Variants in QRFPR observed in about 807,000 individuals in gnomAD.
QRFPR encodes the protein pyroglutamylated RFamide peptide receptor, also known as pyroglutamylated RF-amide peptide receptor.
QRFPR carries 37 observed loss-of-function variants against 31.3 expected under a neutral mutation model. The ratio of observed to expected loss-of-function variants is 1.18; its 90% confidence interval spans 0.91 to 1.56. The LOEUF is 1.56. Among genes scored for constraint, QRFPR ranks in the 40% most tolerant of loss-of-function variants. The pLI is 0.00. For missense variants in QRFPR, 542 were observed against 532.5 expected, an observed-to-expected ratio of 1.02 and a Z score of -0.18; for synonymous variants, 197 against 192.0, an observed-to-expected ratio of 1.03 and a Z score of -0.22.
At chr4:121,365,494 A>ATATAATATATATTATATATTATATATAT (rs1726075800) in intron 1 of QRFPR, among the ~76,000 whole-genome samples, 1 of 2,486 alleles carries the variant, frequency 4.0e-4, no homozygotes, top group Non-Finnish European at 6.2e-4. Flanking sequence ...ATTAAATTAT[A>ATATAATATATATTATATATTATATATAT]TATATAATAT....
chr4:121,345,456 C>T (rs1725625815), intron 1 of QRFPR, among the ~76,000 whole-genome samples: 1 of 152,162 alleles, frequency 6.6e-6, no homozygotes, highest in African/African-American at 2.4e-5. Flanking sequence ...ATTTGATATA[C>T]TTCTCTTTTG....
At position 121,363,170 on chromosome 4, in the gene QRFPR, C is replaced by T. The variant is rs1726023742; in HGVS notation, c.340+17138G>A. ...TGAAACCCCGTCTCTACTAAAGATA[C>T]AAAAAATTAGTTGGGCGTGGTGGCG... is the stretch of plus-strand genomic sequence containing the variant. On this transcript the variant is annotated intron_variant, in intron 1 of 5. Transcript: ENST00000394427. Among the ~76,000 whole-genome samples the T allele has an allele frequency of 2.0e-5, 3 of 149,684 alleles. 1 individual carries two copies. The highest frequency in any genetic ancestry group is 6.6e-5 in the Admixed American group (1 of 15,066).
At chr4:121,346,238 C>T (rs1242525011) in intron 1 of QRFPR, among the ~76,000 whole-genome samples, 1 of 152,166 alleles carries the variant, frequency 6.6e-6, no homozygotes, top group South Asian at 2.1e-4. Context: ...CATATTCAAA[C>T]AGTCTATGCG....
At chr4:121,375,502 T>G (rs1369358795) in intron 1 of QRFPR, among the ~76,000 whole-genome samples, 1 of 152,244 alleles carries the variant, frequency 6.6e-6, no homozygotes, top group Non-Finnish European at 1.5e-5. Context: ...TGACTCATAG[T>G]GCCATTAATA....
At chr4:121,370,117 G>A (rs920152606) in intron 1 of QRFPR, 1 of 768,006 alleles carries the variant, frequency 1.3e-6, no homozygotes, top group Non-Finnish European at 2.4e-6. Context: ...GGGGAGGGTA[G>A]ACTGGCCTCT....
Position 121,334,158 on chromosome 4 carries a change from C to T in QRFPR, c.562-1102G>A, listed in dbSNP as rs573351909. 3.3e-5 allele frequency among the ~76,000 whole-genome samples: 5 copies of T among 152,276 alleles called. No individual in the cohort carries two copies. The South Asian group carries it at 1.0e-3, about 32-fold the overall frequency. ...CCAATGACCAGGGGGTATGGACTGA[C>T]ACATCTAAGAGCATGCTGAACTGGA... On this transcript the variant is annotated intron_variant, in intron 3 of 5. Transcript: ENST00000394427.
At chr4:121,338,118 A>C (rs1173318231) in intron 2 of QRFPR, among the ~76,000 whole-genome samples, 1 of 152,206 alleles carries the variant, frequency 6.6e-6, no homozygotes, top group Admixed American at 6.5e-5. Context: ...TGGCAGCTGT[A>C]GGACTCACAA....
At position 121,370,722 on chromosome 4, in the gene QRFPR, A is replaced by G. The variant is rs1215416712; in HGVS notation, c.340+9586T>C. ...CAGGAAATTTTTTTAAAACGTTAACATATTTTCATACATGTATTAAAGGGG... is the reference window on the plus strand; with the variant it reads ...CAGGAAATTTTTTTAAAACGTTAACGTATTTTCATACATGTATTAAAGGGG... On this transcript the variant is annotated intron_variant, in intron 1 of 5. Coordinates refer to ENST00000394427, the MANE Select transcript of QRFPR (RefSeq NM_198179.3). Among the ~76,000 whole-genome samples, 4 of 152,248 alleles carry G rather than the reference A, an allele frequency of 2.6e-5. No homozygotes were observed. The South Asian group carries it at 6.2e-4, about 24-fold the overall frequency.
At chr4:121,356,600 T>G (rs1210086490) in intron 1 of QRFPR, among the ~76,000 whole-genome samples, 1 of 152,210 alleles carries the variant, frequency 6.6e-6, no homozygotes, top group East Asian at 1.9e-4. Flanking sequence ...GATCTAAGCC[T>G]GTGGTCACTG....
rs1303361552 is a variant in QRFPR, at chr4:121,380,710, G to A, written c.-63C>T. 3 of 1,415,490 alleles carry A rather than the reference G, an allele frequency of 2.1e-6. No individual in the cohort carries two copies. The highest frequency in any genetic ancestry group is 1.9e-6 in the Non-Finnish European group (2 of 1,064,402). 87.7% of individuals were successfully genotyped at this position (1,415,490 alleles called of 1,614,324 possible). On this transcript the variant is annotated 5_prime_UTR_variant, in exon 1 of 6. Coordinates refer to ENST00000394427, the MANE Select transcript of QRFPR (RefSeq NM_198179.3). ...ACTGGCTGGCCATCCGCATCTGCGGGGCAGCGAGGGCTTCGGGGGACCAGC... is the reference window on the plus strand; with the variant it reads ...ACTGGCTGGCCATCCGCATCTGCGGAGCAGCGAGGGCTTCGGGGGACCAGC...
At position 121,336,767 on chromosome 4, in the gene QRFPR, T is replaced by C. The variant is rs769734276; in HGVS notation, c.561+40A>G. The C allele has an allele frequency of 9.5e-6, 14 of 1,475,050 alleles. No homozygotes were observed. The Admixed American group carries it at 1.7e-4, about 18-fold the overall frequency. 91.4% of individuals were successfully genotyped at this position (1,475,050 alleles called of 1,614,324 possible). A position where few individuals can be genotyped will look rare whatever the true frequency, so the allele number is the denominator to read the frequency against. On this transcript the variant is annotated intron_variant, in intron 3 of 5. Transcript: ENST00000394427. ...ATTACAATTAAGAGGGGTGAGAAAATAGTTCAACAATATGATTATACATCT... is the reference window on the plus strand; with the variant it reads ...ATTACAATTAAGAGGGGTGAGAAAACAGTTCAACAATATGATTATACATCT...
chr4:121,367,345 C>T (rs1346686818), intron 1 of QRFPR, among the ~76,000 whole-genome samples: 2 of 150,058 alleles, frequency 1.3e-5, no homozygotes, highest in African/African-American at 4.9e-5. Flanking sequence ...TTATCCTCCT[C>T]TAGAGATGTA....
chr4:121,366,894 G>C (rs540969669), intron 1 of QRFPR, among the ~76,000 whole-genome samples: 1 of 132,484 alleles, frequency 7.5e-6, no homozygotes, highest in Non-Finnish European at 1.7e-5. Flanking sequence ...CTTCTCTGCA[G>C]TGCATAGCAA....
At chr4:121,351,355 A>T (rs1725757219) in intron 1 of QRFPR, among the ~76,000 whole-genome samples, 2 of 152,208 alleles carry the variant, frequency 1.3e-5, no homozygotes. Context: ...ACTTTGTAAG[A>T]ACTGTTTGTG....
intron 1 of QRFPR, among the ~76,000 whole-genome samples, chr4:121,362,626 T>C (rs1726015006): frequency 6.7e-6 from 1 of 150,130 alleles, no homozygotes. Context: ...AAAGAACAGA[T>C]GAATAGATCA....
chr4:121,331,177 T>G (rs1185200316), intron 4 of QRFPR, among the ~76,000 whole-genome samples: 12 of 26,012 alleles, frequency 4.6e-4, no homozygotes, highest in Non-Finnish European at 9.0e-4. Context: ...TATCTTGGGT[T>G]TTTTTTTTTT....
At chr4:121,350,809 GAAGTTTGAGACTTAT>G (rs984933124) in intron 1 of QRFPR, among the ~76,000 whole-genome samples, 2 of 152,148 alleles carry the variant, frequency 1.3e-5, no homozygotes, top group Non-Finnish European at 1.5e-5. Context: ...ATTCATTGCA[GAAGTTTGAGACTTAT>G]AAGCCAATAC....
At chr4:121,362,254 G>T (rs990953202) in intron 1 of QRFPR, among the ~76,000 whole-genome samples, 2 of 150,002 alleles carry the variant, frequency 1.3e-5, no homozygotes, top group African/African-American at 4.9e-5. Context: ...TGTAAATCAA[G>T]ATTTTCTGAC....
intron 2 of QRFPR, 177 bp downstream of exon 2, chr4:121,340,275 C>G (rs1259413467): frequency 3.0e-6 from 2 of 660,560 alleles, no homozygotes. Flanking sequence ...TGAGGTCAGC[C>G]TAAAAGAGAG....
Sources: allele counts gnomAD v4.1 joint callset (sites outside exome capture counted in the v4.1 genomes callset), GRCh38; gene constraint gnomAD v4.1.1; transcripts MANE v1.5; gene names NCBI Gene and HGNC (gene_info 2026-07-23, HGNC 2026-07-21).